Variants in TRANK1 observed in about 807,000 individuals in gnomAD.
TRANK1 encodes the protein tetratricopeptide repeat and ankyrin repeat containing 1, also known as TPR and ankyrin repeat-containing protein 1.
Under a neutral mutation model 266.0 loss-of-function variants are expected in TRANK1, and 198 were observed. The observed-to-expected ratio is 0.74, with a 90% confidence interval of 0.66 to 0.84. TRANK1 has a LOEUF of 0.84. TRANK1 is among the 40% of genes least tolerant of loss of function. The pLI, the probability that TRANK1 is intolerant of heterozygous loss-of-function variation, is 0.00. For missense variants in TRANK1, 3,326 were observed against 3,634.6 expected (o/e 0.92, Z 2.18); for synonymous variants, 1,396 against 1,384.1 (o/e 1.01, Z -0.19).
Position 36,856,797 on chromosome 3 carries a change from T to C in TRANK1, c.2925A>G (p.Lys975=). ...GLSCVLRKKL[K]GINKGQVSAN... is the part of the protein sequence containing the mutation. The stretch of plus-strand genomic sequence containing the variant: ...CTGACACTTGGCCTTTATTGATACC[T>C]TTCAGCTTCTTCCGCAGGACACAGG... The change falls in exon 13 of 24, where the codon AAA becomes AAG. Residue 975 remains lysine, a synonymous_variant. Coordinates refer to ENST00000645898, the MANE Select transcript of TRANK1 (RefSeq NM_001329998.2). 1 of 1,614,040 alleles carries C rather than the reference T, an allele frequency of 6.2e-7. No individual in the cohort carries two copies. The highest frequency in any genetic ancestry group is 8.5e-7 in the Non-Finnish European group (1 of 1,179,898).
intron 18 of TRANK1, among the ~76,000 whole-genome samples, chr3:36,840,509 T>G (rs1479966036): frequency 6.6e-6 from 1 of 152,220 alleles, no homozygotes; most frequent in Non-Finnish European, 1.5e-5. Context: ...ACTTTCCAGC[T>G]TCTCCCATCA....
In TRANK1 at chr3:36,941,456, A is replaced by G. The variant is rs559225399; in HGVS notation, c.23+3331T>C. The stretch of plus-strand genomic sequence containing the variant: ...GCAAAAGATGGAATTGATTCAGGTA[A>G]ACGGAGTCCAGGGTATCTTAGGCAA... On this transcript the variant is annotated intron_variant, in intron 1 of 23. Transcript: ENST00000645898. Among the ~76,000 whole-genome samples, 14 of 152,310 alleles carry G rather than the reference A, an allele frequency of 9.2e-5. No individual in the cohort carries two copies. The East Asian group carries it at 2.7e-3, about 29-fold the overall frequency.
At chr3:36,911,184 A>G (rs2080047184) in intron 1 of TRANK1, among the ~76,000 whole-genome samples, 1 of 152,240 alleles carries the variant, frequency 6.6e-6, no homozygotes. Flanking sequence ...TTAATGACAG[A>G]GCAAGTTAGT....
At chr3:36,840,550 T>C (rs189449961) in intron 18 of TRANK1, among the ~76,000 whole-genome samples, 1 of 152,316 alleles carries the variant, frequency 6.6e-6, no homozygotes, top group East Asian at 1.9e-4. Context: ...TCCCGTCCAA[T>C]CTAGGCTGAG....
chr3:36,892,608 C>T (rs2079717063), intron 6 of TRANK1, among the ~76,000 whole-genome samples: 2 of 152,272 alleles, frequency 1.3e-5, no homozygotes, highest in South Asian at 4.1e-4. Flanking sequence ...GGTGGCCGAT[C>T]ACCTGAGGTC....
At chr3:36,888,532 G>C (rs1032545283) in intron 8 of TRANK1, among the ~76,000 whole-genome samples, 1 of 152,166 alleles carries the variant, frequency 6.6e-6, no homozygotes, top group South Asian at 2.1e-4. Context: ...CTTCTCCTTT[G>C]TTTCCCTAGA....
chr3:36,832,283 T>C lies in TRANK1; in HGVS notation c.7300A>G (p.Met2434Val). The C allele has an allele frequency of 6.2e-7, 1 of 1,614,004 alleles. No individual in the cohort carries two copies. The highest frequency in any genetic ancestry group is 8.5e-7 in the Non-Finnish European group (1 of 1,179,890). The change falls in exon 22 of 24, where the codon ATG becomes GTG. Residue 2434 changes from methionine (M) to valine (V), a missense_variant. Physicochemically the swap from Met to Val is conservative, Grantham distance 21 (BLOSUM62 1). Transcript: ENST00000645898. Reference sequence around the variant, plus strand: ...TTGCACCTCTTGATGAGGACATTCATGAAACGGAAAAAGAGCCTCTTGTAG... The same window carrying C: ...TTGCACCTCTTGATGAGGACATTCACGAAACGGAAAAAGAGCCTCTTGTAG... Reference protein sequence around the residue: ...EDYKRLFFRFMNVLIKRCKEP... With the variant: ...EDYKRLFFRFVNVLIKRCKEP...
At chr3:36,934,043 G>C (rs2080392678) in intron 1 of TRANK1, among the ~76,000 whole-genome samples, 1 of 152,228 alleles carries the variant, frequency 6.6e-6, no homozygotes. Context: ...ATGTCACCAT[G>C]GTAGGCATGC....
At chr3:36,866,810 T>G (rs1310816464) in intron 9 of TRANK1, among the ~76,000 whole-genome samples, 1 of 152,128 alleles carries the variant, frequency 6.6e-6, no homozygotes, top group Non-Finnish European at 1.5e-5. Flanking sequence ...TCAGAAATGG[T>G]GAAAGGGATC....
intron 20 of TRANK1, among the ~76,000 whole-genome samples, chr3:36,835,711 C>T (rs1224703927): frequency 1.3e-5 from 2 of 152,088 alleles, no homozygotes; most frequent in East Asian, 1.9e-4. Flanking sequence ...TCTGTGAAGA[C>T]GAAAATGTAT....
At chr3:36,931,185 G>A (rs924592796) in intron 1 of TRANK1, among the ~76,000 whole-genome samples, 12 of 151,550 alleles carry the variant, frequency 7.9e-5, no homozygotes, top group African/African-American at 2.7e-4. Flanking sequence ...TAAAAGACTA[G>A]GACCAACTTT....
intron 18 of TRANK1, among the ~76,000 whole-genome samples, chr3:36,842,297 T>C (rs1462658580): frequency 6.6e-6 from 1 of 152,252 alleles, no homozygotes; most frequent in Non-Finnish European, 1.5e-5. Context: ...AGTATGATGA[T>C]AGCAAAGCTT....
chr3:36,849,954 G>T, intron 15 of TRANK1: 1 of 898,698 alleles, frequency 1.1e-6, no homozygotes, highest in Non-Finnish European at 1.3e-6. Flanking sequence ...AACTCCCTGA[G>T]CCATTGGTGG....
Position 36,855,285 on chromosome 3 carries a change from G to T in TRANK1, c.4437C>A (p.Ser1479Arg). The T allele has an allele frequency of 6.2e-7, 1 of 1,614,066 alleles. No individual in the cohort carries two copies. Among genetic ancestry groups the T allele is most frequent in the Non-Finnish European group, 8.5e-7 (1 of 1,179,900 alleles). ...CATAATGGAACAGAGAGCGCAGATCGCTGAAGCGGAAGGCCACGCCCTTCA... is the reference window on the plus strand; with the variant it reads ...CATAATGGAACAGAGAGCGCAGATCTCTGAAGCGGAAGGCCACGCCCTTCA... ...SIMKGVAFRF[S>R]DLRSLFHYAS... The change falls in exon 13 of 24, where the codon AGC (serine) becomes AGA (arginine). Residue 1479 changes from serine to arginine, a missense_variant. Coordinates refer to ENST00000645898, the MANE Select transcript of TRANK1 (RefSeq NM_001329998.2).
intron 1 of TRANK1, among the ~76,000 whole-genome samples, chr3:36,942,547 C>T (rs1010598001): frequency 1.3e-5 from 2 of 149,810 alleles, no homozygotes; most frequent in African/African-American, 2.5e-5. Context: ...AGCATTTACA[C>T]CAGGCCCCAC....
chr3:36,895,955 T>A (rs1265684149), intron 4 of TRANK1, among the ~76,000 whole-genome samples, 197 bp from the exon 5 acceptor site: 1 of 152,204 alleles, frequency 6.6e-6, no homozygotes, highest in African/African-American at 2.4e-5. Flanking sequence ...ATAAAATCAA[T>A]CCCCTAAGAG....
rs528770103 is a variant in TRANK1 at position 36,827,136 on chromosome 3, C to G, written c.*1139G>C. ...AGCTGAGGGGTGGGGTAAGGGTGGG[C>G]AGTAACCATCAGAGAGGCATGAAGG... On this transcript the variant is annotated 3_prime_UTR_variant, in exon 24 of 24. Coordinates refer to ENST00000645898, the MANE Select transcript of TRANK1 (RefSeq NM_001329998.2). The G allele has an allele frequency of 2.6e-5, 4 of 152,346 alleles. No individual in the cohort carries two copies. The South Asian group carries it at 8.3e-4, about 32-fold the overall frequency. 9.4% of individuals were successfully genotyped at this position (152,346 alleles called of 1,614,324 possible). A position where few individuals can be genotyped will look rare whatever the true frequency, so the allele number is the denominator to read the frequency against.
chr3:36,873,600 T>TTAAGAAA (rs1205570028), intron 9 of TRANK1, among the ~76,000 whole-genome samples: 1 of 152,120 alleles, frequency 6.6e-6, no homozygotes, highest in Non-Finnish European at 1.5e-5. Context: ...CATGAAAAAC[T>TTAAGAAA]TAGAGTTAAG....
chr3:36,926,856 T>C (rs11926768), intron 1 of TRANK1, among the ~76,000 whole-genome samples: 53,673 of 152,094 alleles, frequency 0.35, 10,442 homozygotes, highest in Non-Finnish European at 0.45. Flanking sequence ...AATATGTCTA[T>C]ATCTGTTCCT....
Sources: gnomAD v4.1 joint callset for allele counts (sites outside exome capture counted in the v4.1 genomes callset) on GRCh38, gnomAD v4.1.1 for gene constraint, MANE v1.5 for transcripts, NCBI Gene and HGNC (gene_info 2026-07-23, HGNC 2026-07-21) for gene names.